Variants in EPHA6 observed in about 807,000 individuals in gnomAD.
The protein encoded by EPHA6 is EPH receptor A6.
EPHA6 carries 50 observed loss-of-function variants against 112.0 expected under a neutral mutation model. The ratio of observed to expected loss-of-function variants is 0.45; its 90% CI spans 0.36 to 0.56. The LOEUF is 0.56. Among genes scored for constraint, EPHA6 ranks in the 20% least tolerant of loss-of-function variants. The probability of loss-of-function intolerance (pLI) is 0.00; values close to 1 mark genes in which losing one functional copy is unlikely to be tolerated. For synonymous variants in EPHA6, 529 were observed against 490.7 expected, an observed-to-expected ratio of 1.08 and a Z score of -1.03; for missense variants, 1,280 against 1,417.4, an observed-to-expected ratio of 0.90 and a Z score of 1.56.
intron 10 of EPHA6, among the ~76,000 whole-genome samples, chr3:97,495,552 A>G (rs1320232556): frequency 6.6e-6 from 1 of 152,094 alleles, no homozygotes; most frequent in Non-Finnish European, 1.5e-5. Context: ...AAATATTCCT[A>G]TTCAATTTCA....
chr3:97,564,677 A>G (rs2093237281), intron 11 of EPHA6, among the ~76,000 whole-genome samples: 1 of 152,160 alleles, frequency 6.6e-6, no homozygotes, highest in Non-Finnish European at 1.5e-5. Context: ...ATACAAATGG[A>G]TTGTATACAT....
chr3:97,642,688 C>A, intron 14 of EPHA6, among the ~76,000 whole-genome samples: 1 of 151,762 alleles, frequency 6.6e-6, no homozygotes, highest in Admixed American at 6.6e-5. Context: ...GAAAGGGTAT[C>A]AGCAATGGAA....
At chr3:96,996,632 G>GA (rs1386912962) in intron 3 of EPHA6, among the ~76,000 whole-genome samples, 2 of 152,042 alleles carry the variant, frequency 1.3e-5, no homozygotes, top group Non-Finnish European at 2.9e-5. Flanking sequence ...GTACTATTTT[G>GA]AAAGCAATCT....
chr3:97,120,027 T>C (rs992537769), intron 3 of EPHA6, among the ~76,000 whole-genome samples: 4 of 152,038 alleles, frequency 2.6e-5, no homozygotes, highest in African/African-American at 9.7e-5. Context: ...ATTTTCCTTG[T>C]AACACTGGAA....
intron 10 of EPHA6, among the ~76,000 whole-genome samples, chr3:97,510,890 A>G (rs1371957185): frequency 6.6e-6 from 1 of 152,200 alleles, no homozygotes; most frequent in Non-Finnish European, 1.5e-5. Flanking sequence ...CCCTGCCCAG[A>G]GAAGAGGAAT....
intron 15 of EPHA6, among the ~76,000 whole-genome samples, chr3:97,723,343 A>C (rs1222857495): frequency 6.6e-6 from 1 of 152,140 alleles, no homozygotes; most frequent in Non-Finnish European, 1.5e-5. Context: ...CTTTTCCTGG[A>C]TCTTGCCCAA....
intron 3 of EPHA6, among the ~76,000 whole-genome samples, chr3:97,175,996 G>A (rs953821546): frequency 4.6e-5 from 7 of 151,758 alleles, no homozygotes; most frequent in Non-Finnish European, 1.0e-4. Context: ...TTAGAGGAGA[G>A]GATTTCACTT....
intron 10 of EPHA6, among the ~76,000 whole-genome samples, chr3:97,499,373 A>T (rs550000069): frequency 2.6e-5 from 4 of 152,216 alleles, no homozygotes; most frequent in African/African-American, 9.6e-5. Context: ...TCCCACAAAT[A>T]TAGTCACTAT....
chr3:97,198,232 A>T (rs2077490177), intron 3 of EPHA6, among the ~76,000 whole-genome samples: 1 of 152,142 alleles, frequency 6.6e-6, no homozygotes, highest in Admixed American at 6.6e-5. Context: ...ATAGGGTTCT[A>T]TCTGGCTGTC....
intron 10 of EPHA6, among the ~76,000 whole-genome samples, chr3:97,499,987 T>C (rs1186839425): frequency 6.6e-6 from 1 of 152,192 alleles, no homozygotes; most frequent in Admixed American, 6.5e-5. Context: ...TTCTTGACTA[T>C]AATAACACTC....
intron 11 of EPHA6, among the ~76,000 whole-genome samples, chr3:97,553,951 T>C (rs2093066268): frequency 1.3e-5 from 2 of 152,186 alleles, no homozygotes; most frequent in African/African-American, 4.8e-5. Context: ...ATCATCTATA[T>C]ATAACAATAA....
rs2035938758 is a variant in EPHA6 at position 97,753,040 on chromosome 3, G to C, written c.*4339G>C. 6.6e-6 allele frequency among the ~76,000 whole-genome samples: 1 copy of C among 151,990 alleles called. No individual in the cohort carries two copies. The highest frequency in any genetic ancestry group is 2.1e-4 in the South Asian group (1 of 4,822). The stretch of plus-strand genomic sequence containing the variant: ...GAGGAGTACACTGGGTTAAATGGAT[G>C]GTATTCTTCCACCAGAATATAAGAT... On this transcript the variant is annotated 3_prime_UTR_variant, in exon 18 of 18. Transcript: ENST00000389672.
intron 2 of EPHA6, among the ~76,000 whole-genome samples, chr3:96,882,332 A>G (rs554566924): frequency 2.6e-5 from 4 of 152,230 alleles, no homozygotes; most frequent in Admixed American, 6.5e-5. Context: ...AGAGGTTCCT[A>G]AGTCCTAATT....
chr3:97,426,236 T>C (rs1034623517), intron 6 of EPHA6, among the ~76,000 whole-genome samples: 4 of 152,200 alleles, frequency 2.6e-5, no homozygotes, highest in Non-Finnish European at 5.9e-5. Flanking sequence ...AGGAAACTTA[T>C]TAACTCACAG....
chr3:96,970,543 CT>C (rs1185850666), intron 2 of EPHA6, among the ~76,000 whole-genome samples: 1 of 152,012 alleles, frequency 6.6e-6, no homozygotes, highest in Non-Finnish European at 1.5e-5. Flanking sequence ...AGGAGTAGCT[CT>C]CCCATTAGTG....
intron 2 of EPHA6, among the ~76,000 whole-genome samples, chr3:96,912,110 G>A (rs529249859): frequency 1.6e-4 from 25 of 152,130 alleles, no homozygotes; most frequent in Non-Finnish European, 2.5e-4. Flanking sequence ...GTTTCTGTTC[G>A]TTTTAAATTT....
In EPHA6 at chr3:96,884,589, G is replaced by T. The variant is rs943960316; in HGVS notation, c.450+17700G>T. 1.8e-4 allele frequency among the ~76,000 whole-genome samples: 27 copies of T among 152,126 alleles called. 1 individual carries two copies. Among genetic ancestry groups the T allele is most frequent in the Admixed American group, 5.9e-4 (9 of 15,268 alleles). The stretch of plus-strand genomic sequence containing the variant: ...CATTAATCTTGTATCCAGGAACTTT[G>T]CTGATTCTTTTATCAGTTCTAGGAG... On this transcript the variant is annotated intron_variant, in intron 2 of 17. Coordinates refer to ENST00000389672, the MANE Select transcript of EPHA6 (RefSeq NM_001080448.3).
intron 3 of EPHA6, among the ~76,000 whole-genome samples, chr3:96,999,665 C>T (rs959861970): frequency 7.9e-5 from 12 of 151,922 alleles, no homozygotes; most frequent in Non-Finnish European, 1.6e-4. Context: ...GTCATCTCTG[C>T]AACAGTCTGT....
At chr3:97,212,358 T>G (rs1209631845) in intron 3 of EPHA6, among the ~76,000 whole-genome samples, 3 of 152,172 alleles carry the variant, frequency 2.0e-5, no homozygotes, top group Non-Finnish European at 4.4e-5. Context: ...AGATAAATGT[T>G]GGAACATTTA....
Sources: gnomAD v4.1 joint callset for allele counts (sites outside exome capture counted in the v4.1 genomes callset) on GRCh38, gnomAD v4.1.1 for gene constraint, MANE v1.5 for transcripts, NCBI Gene and HGNC (gene_info 2026-07-23, HGNC 2026-07-21) for gene names.